Variants in FLRT2 observed in about 807,000 individuals in gnomAD.
The protein encoded by FLRT2 is fibronectin leucine rich transmembrane protein 2.
Under a neutral mutation model 40.0 loss-of-function variants are expected in FLRT2, and 15 were observed. That is an observed-to-expected ratio of 0.38 (90% confidence interval 0.25 to 0.58). The LOEUF (loss-of-function observed/expected upper bound fraction) is 0.58. Ranked by LOEUF, FLRT2 falls within the 20% of genes least tolerant of loss-of-function variation. The pLI is 0.71. For missense variants in FLRT2, 726 were observed against 840.0 expected (o/e 0.86, Z 1.68); for synonymous variants, 380 against 336.8 (o/e 1.13, Z -1.41).
chr14:85,564,255 G>A (rs1172461388), intron 1 of FLRT2, among the ~76,000 whole-genome samples: 1 of 152,110 alleles, frequency 6.6e-6, no homozygotes. Flanking sequence ...TGTATTACTC[G>A]AATATGTATT....
rs1364198191 is a variant in FLRT2, at chr14:85,645,706, G to C, written c.*22209G>C. 1 of 152,148 alleles carries C rather than the reference G, an allele frequency of 6.6e-6. No individual in the cohort carries two copies. Among genetic ancestry groups the C allele is most frequent in the Non-Finnish European group, 1.5e-5 (1 of 68,026 alleles). 9.4% of individuals were successfully genotyped at this position (152,148 alleles called of 1,614,324 possible). On this transcript the variant is annotated 3_prime_UTR_variant, in exon 2 of 2. Coordinates refer to ENST00000330753, the MANE Select transcript of FLRT2 (RefSeq NM_013231.6). ...AATCTTTCAGAGATTCAGTAGATAA[G>C]GTGATCTATTATATGGATGTCAAGC...
chr14:85,561,884 T>G (rs1890346811), intron 1 of FLRT2, among the ~76,000 whole-genome samples: 1 of 152,250 alleles, frequency 6.6e-6, no homozygotes, highest in Non-Finnish European at 1.5e-5. Context: ...TGTCTTTGTA[T>G]TTTGTTGTTG....
Position 85,633,635 on chromosome 14 carries a change from A to C in FLRT2, c.*10138A>C, listed in dbSNP as rs1893935359. On this transcript the variant is annotated 3_prime_UTR_variant, in exon 2 of 2. Coordinates refer to ENST00000330753, the MANE Select transcript of FLRT2 (RefSeq NM_013231.6). ...GCAATGCAGTGAGACCCTATCTCTA[A>C]AAAAAAAAAAAAAAATTAGCCAGGA... 2.3e-5 allele frequency: 2 copies of C among 86,228 alleles called. No individual in the cohort carries two copies. The highest frequency in any genetic ancestry group is 2.8e-4 in the Admixed American group (2 of 7,228). The allele number at this position is 86,228 out of a possible 1,614,324, so 5.3% of individuals were successfully genotyped here.
intron 1 of FLRT2, among the ~76,000 whole-genome samples, chr14:85,539,981 A>G (rs989182997): frequency 6.6e-6 from 1 of 152,206 alleles, no homozygotes; most frequent in Admixed American, 6.5e-5. Flanking sequence ...GAAAGTATCC[A>G]TTTTAAGGAT....
intron 1 of FLRT2, among the ~76,000 whole-genome samples, chr14:85,602,082 A>T (rs1231925308): frequency 6.6e-6 from 1 of 152,212 alleles, no homozygotes; most frequent in Non-Finnish European, 1.5e-5. Flanking sequence ...TTATTTATTT[A>T]TAATGAAGGG....
In FLRT2 at chr14:85,650,611, T is replaced by G. The variant is rs571467288; in HGVS notation, c.*27114T>G. On this transcript the variant is annotated 3_prime_UTR_variant, in exon 2 of 2. Transcript: ENST00000330753. ...TAAAATGTGAGTTTCCACTTTCACA[T>G]GCTTGCCATTTCCTATTGCAAAACA... 2 of 152,234 alleles carry G rather than the reference T, an allele frequency of 1.3e-5. 1 individual carries two copies. The highest frequency in any genetic ancestry group is 4.1e-4 in the South Asian group (2 of 4,828). The allele number at this position is 152,234 out of a possible 1,614,324, so 9.4% of individuals were successfully genotyped here. A position where few individuals can be genotyped will look rare whatever the true frequency, so the allele number is the denominator to read the frequency against.
rs1305587397 is a variant in FLRT2 at position 85,632,880 on chromosome 14, T to C, written c.*9383T>C. The stretch of plus-strand genomic sequence containing the variant: ...TTTGCCTTGGCAATAACTTGCACTT[T>C]AGGGTTATCAGTGTACTTTTCCTAA... On this transcript the variant is annotated 3_prime_UTR_variant, in exon 2 of 2. Transcript: ENST00000330753. 6.6e-6 allele frequency: 1 copy of C among 152,238 alleles called. No individual in the cohort carries two copies. The highest frequency in any genetic ancestry group is 1.5e-5 in the Non-Finnish European group (1 of 68,034). The allele number at this position is 152,238 out of a possible 1,614,324, so 9.4% of individuals were successfully genotyped here. A position where few individuals can be genotyped will look rare whatever the true frequency, so the allele number is the denominator to read the frequency against.
chr14:85,623,462 A>T lies in FLRT2; in HGVS notation c.1948A>T (p.Ser650Cys). ...HIPNNMRYCN[S>C]SVPDLEHCHT ...CCCCAACAACATGCGATACTGCAAC[A>T]GCAGCGTGCCAGACCTGGAGCACTG... Residue 650 changes from serine (S) to cysteine (C), a missense_variant, in exon 2 of 2, where the codon AGC (serine) becomes TGC (cysteine). Ser to Cys is a moderately radical substitution (Grantham distance 112, BLOSUM62 -1). Transcript: ENST00000330753. The T allele has an allele frequency of 6.8e-7, 1 of 1,463,346 alleles. No homozygotes were observed. The highest frequency in any genetic ancestry group is 9.0e-7 in the Non-Finnish European group (1 of 1,108,942). The allele number at this position is 1,463,346 out of a possible 1,614,324, so 90.6% of individuals were successfully genotyped here. A position where few individuals can be genotyped will look rare whatever the true frequency, so the allele number is the denominator to read the frequency against.
rs756010869 is a variant in FLRT2 at position 85,622,612 on chromosome 14, C to A, written c.1098C>A (p.Gly366=). Residue 366 remains glycine (G), a synonymous_variant, in exon 2 of 2, where the codon GGC becomes GGA. Coordinates refer to ENST00000330753, the MANE Select transcript of FLRT2 (RefSeq NM_013231.6). ...NLLSCPTTTP[G]LPLFTPAPST... is the part of the protein sequence containing the mutation. ...TGTCCTGTCCCACCACGACCCCCGGCCTGCCTCTCTTCACCCCAGCCCCAA... is the reference window on the plus strand; with the variant it reads ...TGTCCTGTCCCACCACGACCCCCGGACTGCCTCTCTTCACCCCAGCCCCAA... 1 of 1,613,776 alleles carries A rather than the reference C, an allele frequency of 6.2e-7. No individual in the cohort carries two copies. The highest frequency in any genetic ancestry group is 2.2e-5 in the East Asian group (1 of 44,852).
At position 85,635,891 on chromosome 14, in the gene FLRT2, C is replaced by T. The variant is rs954066557; in HGVS notation, c.*12394C>T. 6.6e-6 allele frequency: 1 copy of T among 152,096 alleles called. No individual in the cohort carries two copies. The highest frequency in any genetic ancestry group is 2.4e-5 in the African/African-American group (1 of 41,444). 9.4% of individuals were successfully genotyped at this position (152,096 alleles called of 1,614,324 possible). ...CTGCCAGTGAACACTAGCTTTATTT[C>T]ATCACATCATACACCTGAATGTAAT... On this transcript the variant is annotated 3_prime_UTR_variant, in exon 2 of 2. Transcript: ENST00000330753.
chr14:85,542,288 A>G (rs919567687), intron 1 of FLRT2, among the ~76,000 whole-genome samples: 2 of 152,136 alleles, frequency 1.3e-5, no homozygotes, highest in African/African-American at 4.8e-5. Context: ...GTTATTTTTC[A>G]TTTATCATTA....
Position 85,621,473 on chromosome 14 carries a change from T to A in FLRT2, c.-42T>A, listed in dbSNP as rs759475732. Reference sequence around the variant, plus strand: ...TTGCTGTTTATTTTTTTTTTCTTTTTCTTTTTCCCACCACATTGTATTTTA... The same window carrying A: ...TTGCTGTTTATTTTTTTTTTCTTTTACTTTTTCCCACCACATTGTATTTTA... On this transcript the variant is annotated 5_prime_UTR_variant, in exon 2 of 2. Coordinates refer to ENST00000330753, the MANE Select transcript of FLRT2 (RefSeq NM_013231.6). 5 of 1,528,220 alleles carry A rather than the reference T, an allele frequency of 3.3e-6. No homozygotes were observed. The highest frequency in any genetic ancestry group is 3.5e-6 in the Non-Finnish European group (4 of 1,137,718). 94.7% of individuals were successfully genotyped at this position (1,528,220 alleles called of 1,614,324 possible). A position where few individuals can be genotyped will look rare whatever the true frequency, so the allele number is the denominator to read the frequency against.
At chr14:85,567,788 G>A (rs1389910369) in intron 1 of FLRT2, among the ~76,000 whole-genome samples, 1 of 151,668 alleles carries the variant, frequency 6.6e-6, no homozygotes, top group African/African-American at 2.4e-5. Context: ...TTACAGGGGC[G>A]CGCCACCATG....
intron 1 of FLRT2, among the ~76,000 whole-genome samples, chr14:85,557,247 C>T (rs1595016494): frequency 7.6e-6 from 1 of 130,932 alleles, no homozygotes; most frequent in Middle Eastern, 4.2e-3. Context: ...TGACTAATTT[C>T]CAGTGTTTTT....
chr14:85,614,380 A>G (rs554899579), intron 1 of FLRT2, among the ~76,000 whole-genome samples: 18 of 152,268 alleles, frequency 1.2e-4, no homozygotes, highest in African/African-American at 4.3e-4. Context: ...GAAATTAAAA[A>G]AAAAAGGTAA....
Position 85,621,785 on chromosome 14 carries a change from C to T in FLRT2, c.271C>T (p.His91Tyr). The T allele has an allele frequency of 6.2e-7, 1 of 1,614,206 alleles. No individual in the cohort carries two copies. Among genetic ancestry groups the T allele is most frequent in the Non-Finnish European group, 8.5e-7 (1 of 1,180,036 alleles). ...PAELHNVQSV[H>Y]TVYLYGNQLD... is the part of the protein sequence containing the mutation. The stretch of plus-strand genomic sequence containing the variant: ...AGAACTGCACAATGTACAGTCGGTG[C>T]ACACGGTCTACCTGTATGGCAACCA... Residue 91 changes from histidine to tyrosine, a missense_variant, in exon 2 of 2, where the codon CAC becomes TAC. Around this residue, in one of 3 missense-constraint regions of FLRT2, gnomAD observed 106 missense variants for 121.2 expected, o/e 0.87. Transcript: ENST00000330753.
intron 1 of FLRT2, among the ~76,000 whole-genome samples, chr14:85,594,219 A>C (rs1171405722): frequency 6.6e-6 from 1 of 152,194 alleles, no homozygotes; most frequent in Non-Finnish European, 1.5e-5. Context: ...TTAAACATAC[A>C]CTAAGCATAT....
At chr14:85,555,970 C>T (rs1033864319) in intron 1 of FLRT2, among the ~76,000 whole-genome samples, 3 of 152,024 alleles carry the variant, frequency 2.0e-5, no homozygotes, top group South Asian at 4.1e-4. Context: ...AGCATTAAGA[C>T]GTATACATGT....
chr14:85,592,789 C>CAAAAAAAA (rs34002874), intron 1 of FLRT2, among the ~76,000 whole-genome samples: 2 of 90,714 alleles, frequency 2.2e-5, no homozygotes, highest in Non-Finnish European at 4.0e-5. Flanking sequence ...AACTCCGTCT[C>CAAAAAAAA]AAAAAAAAAA....
Sources: allele counts gnomAD v4.1 joint callset (sites outside exome capture counted in the v4.1 genomes callset), GRCh38; gene constraint gnomAD v4.1.1; regional missense constraint gnomAD v4.1.1; transcripts MANE v1.5; gene names NCBI Gene and HGNC (gene_info 2026-07-23, HGNC 2026-07-21).